The following MIS18A variants were observed in gnomAD, a reference collection of about 807,000 sequenced individuals.
MIS18A encodes the protein protein Mis18-alpha.
In MIS18A, 14 loss-of-function variants were observed where a neutral mutation model predicts 25.0. That is an observed-to-expected ratio of 0.56 (90% confidence interval 0.37 to 0.88). The LOEUF is 0.88. MIS18A is among the 40% of genes least tolerant of loss of function. The pLI is 0.00. For missense variants in MIS18A, 292 were observed against 290.8 expected, an observed-to-expected ratio of 1.00 and a Z score of -0.03; for synonymous variants, 134 against 118.6, an observed-to-expected ratio of 1.13 and a Z score of -0.84.
At chr21:32,252,403 AAAAG>A in the MIS18A span, among the ~76,000 whole-genome samples, 1 of 150,590 alleles carries the variant, frequency 6.6e-6, no homozygotes, top group Non-Finnish European at 1.5e-5. Flanking sequence ...GAAGGAGAAG[AAAAG>A]AAGAAGAAGA....
At chr21:32,207,187 GTAACAAA>G in the MIS18A span, among the ~76,000 whole-genome samples, 1 of 152,168 alleles carries the variant, frequency 6.6e-6, no homozygotes, top group Non-Finnish European at 1.5e-5. Flanking sequence ...GCTTCTACAA[GTAACAAA>G]TATCTGCTTC....
the MIS18A span, among the ~76,000 whole-genome samples, chr21:32,222,786 C>T: frequency 6.6e-6 from 1 of 151,830 alleles, no homozygotes; most frequent in South Asian, 2.1e-4. Context: ...AAAAAATTAG[C>T]CAGGTGTGGT....
chr21:32,207,194 A>G, the MIS18A span, among the ~76,000 whole-genome samples: 1 of 152,204 alleles, frequency 6.6e-6, no homozygotes, highest in Admixed American at 6.5e-5. Context: ...CAAGTAACAA[A>G]TATCTGCTTC....
the MIS18A span, among the ~76,000 whole-genome samples, chr21:32,227,992 T>C: frequency 6.6e-6 from 1 of 152,306 alleles, no homozygotes; most frequent in Admixed American, 6.5e-5. Flanking sequence ...TCAACATCCT[T>C]TCATGATAAA....
At chr21:32,265,641 G>A (rs949882571), downstream of MIS18A, among the ~76,000 whole-genome samples, 7 of 152,220 alleles carry the variant, frequency 4.6e-5, no homozygotes, top group East Asian at 1.9e-4. Context: ...TGTGTGGCCC[G>A]AGCCTCCCCG....
chr21:32,160,319 C>T, the MIS18A span, among the ~76,000 whole-genome samples: 13 of 123,780 alleles, frequency 1.1e-4, no homozygotes, highest in African/African-American at 3.1e-4. Flanking sequence ...CACACACACA[C>T]ACACACACAC....
intron 2 of MIS18A, among the ~76,000 whole-genome samples, chr21:32,274,199 T>TC (rs2031766608): frequency 1.8e-5 from 1 of 54,880 alleles, no homozygotes; most frequent in Non-Finnish European, 3.4e-5. Context: ...CTTTTCTTCT[T>TC]TTTTTTTTTT....
Position 32,269,818 on chromosome 21 carries a change from A to G in MIS18A, c.525-15T>C. 2.0e-6 allele frequency: 3 copies of G among 1,490,348 alleles called. 1 individual carries two copies. Among genetic ancestry groups the G allele is most frequent in the South Asian group, 2.3e-5 (2 of 88,370 alleles). The allele number at this position is 1,490,348 out of a possible 1,614,324, so 92.3% of individuals were successfully genotyped here. A position where few individuals can be genotyped will look rare whatever the true frequency, so the allele number is the denominator to read the frequency against. On this transcript the variant is annotated splice_polypyrimidine_tract_variant and intron_variant, in intron 3 of 4. Transcript: ENST00000290130. ...CTAAAACATAACTGAAGTACGGTAC[A>G]AGGTTAAAATACAAGCTGGGTGTGG...
the MIS18A span, among the ~76,000 whole-genome samples, chr21:32,212,085 C>T: frequency 6.6e-6 from 1 of 152,158 alleles, no homozygotes; most frequent in Non-Finnish European, 1.5e-5. Context: ...GCTGATGATG[C>T]TACTCGTGAA....
chr21:32,208,673 A>G, the MIS18A span, among the ~76,000 whole-genome samples: 1 of 152,206 alleles, frequency 6.6e-6, no homozygotes, highest in Non-Finnish European at 1.5e-5. Flanking sequence ...CTTAGCCTTT[A>G]TCAGGTTCTC....
chr21:32,158,524 G>T, the MIS18A span, among the ~76,000 whole-genome samples: 1 of 151,264 alleles, frequency 6.6e-6, no homozygotes, highest in Admixed American at 6.6e-5. Flanking sequence ...GCCCAGGCTG[G>T]CGTTCAATGA....
the MIS18A span, among the ~76,000 whole-genome samples, chr21:32,184,437 T>C: frequency 1.3e-5 from 2 of 152,238 alleles, no homozygotes; most frequent in African/African-American, 4.8e-5. Flanking sequence ...CCAGGTTACA[T>C]GGGCTCCTCC....
At chr21:32,195,585 G>A in the MIS18A span, among the ~76,000 whole-genome samples, 1 of 152,154 alleles carries the variant, frequency 6.6e-6, no homozygotes, top group Admixed American at 6.5e-5. Flanking sequence ...GTCCTTTCTG[G>A]AACTTTCTGA....
chr21:32,277,554 G>C lies in MIS18A; in HGVS notation c.334+1127C>G, dbSNP rs969822281. The stretch of plus-strand genomic sequence containing the variant: ...TGCAACCTCCGCCTCCCGGGTTCAA[G>C]TGATTCTCCTGCCTCAGCCTCCGGA... On this transcript the variant is annotated intron_variant, in intron 1 of 4. Coordinates refer to ENST00000290130, the MANE Select transcript of MIS18A (RefSeq NM_018944.3). Among the ~76,000 whole-genome samples, 3 of 152,232 alleles carry C rather than the reference G, an allele frequency of 2.0e-5. No individual in the cohort carries two copies. In the East Asian group the frequency reaches 5.8e-4, roughly 29 times the overall value.
chr21:32,156,207 G>C, the MIS18A span, among the ~76,000 whole-genome samples: 1 of 152,182 alleles, frequency 6.6e-6, no homozygotes, highest in Non-Finnish European at 1.5e-5. Context: ...GAATTTAGCA[G>C]CTCCTTACAA....
At chr21:32,154,824 A>C in the MIS18A span, among the ~76,000 whole-genome samples, 4 of 152,294 alleles carry the variant, frequency 2.6e-5, no homozygotes, top group South Asian at 8.3e-4. Flanking sequence ...ATAGCCAATT[A>C]ATTGTTCTAG....
At chr21:32,198,866 T>C in the MIS18A span, among the ~76,000 whole-genome samples, 2 of 149,656 alleles carry the variant, frequency 1.3e-5, no homozygotes, top group Non-Finnish European at 3.0e-5. Flanking sequence ...GTGGACCCCA[T>C]GGTATGGCAT....
downstream of MIS18A, among the ~76,000 whole-genome samples, chr21:32,265,514 G>A (rs1187274373): frequency 2.0e-5 from 3 of 152,220 alleles, no homozygotes; most frequent in Non-Finnish European, 2.9e-5. Context: ...CCCCAGCAGT[G>A]CCGGCCCACC....
In MIS18A at chr21:32,269,763, C is replaced by A. The variant is rs1358328027; in HGVS notation, c.565G>T (p.Asp189Tyr). Residue 189 changes from aspartate to tyrosine, a missense_variant, in exon 4 of 5, where the codon GAT becomes TAT. Coordinates refer to ENST00000290130, the MANE Select transcript of MIS18A (RefSeq NM_018944.3). ...GSSEKQIVSE[D>Y]KELFNLESRV... ...CTTTCAAGATTAAAAAGCTCTTTAT[C>A]TTCTGACACAATTTGCTTTTCAGAG... 6.2e-7 allele frequency: 1 copy of A among 1,611,952 alleles called. No individual in the cohort carries two copies. Among genetic ancestry groups the A allele is most frequent in the Non-Finnish European group, 8.5e-7 (1 of 1,178,020 alleles).
Sources: allele counts gnomAD v4.1 joint callset (sites outside exome capture counted in the v4.1 genomes callset), GRCh38; gene constraint gnomAD v4.1.1; transcripts MANE v1.5; gene names NCBI Gene and HGNC (gene_info 2026-07-23, HGNC 2026-07-21).